Variants in AGPAT4 observed in about 807,000 individuals in gnomAD.
AGPAT4 encodes 1-acyl-sn-glycerol-3-phosphate acyltransferase delta.
A neutral mutation model predicts 48.0 loss-of-function variants in AGPAT4; 15 were observed. The ratio of observed to expected loss-of-function variants is 0.31; its 90% CI spans 0.21 to 0.48. The LOEUF (loss-of-function observed/expected upper bound fraction) is 0.48. Among genes scored for constraint, AGPAT4 ranks in the 20% least tolerant of loss-of-function variants. AGPAT4 has a pLI of 0.99. For synonymous variants in AGPAT4, 178 were observed against 198.7 expected (o/e 0.90, Z 0.88); for missense variants, 314 against 482.5 (o/e 0.65, Z 3.27).
rs1778954523 is a variant in AGPAT4 at position 161,133,094 on chromosome 6, C to T, written c.*3446G>A. On this transcript the variant is annotated 3_prime_UTR_variant, in exon 9 of 9. Transcript: ENST00000320285. ...AAATCTCTTGAGCAGAAGTAGAGAC[C>T]CTAGAGAATCTTCACTGGATACCTT... is the stretch of plus-strand genomic sequence containing the variant. The T allele has an allele frequency of 2.6e-5, 4 of 152,084 alleles. No individual in the cohort carries two copies. The highest frequency in any genetic ancestry group is 7.2e-5 in the African/African-American group (3 of 41,398). The allele number at this position is 152,084 out of a possible 1,614,324, so 9.4% of individuals were successfully genotyped here.
At chr6:161,160,744 T>C (rs1389788433) in intron 3 of AGPAT4, 5 of 345,758 alleles carry the variant, frequency 1.4e-5, no homozygotes, top group Non-Finnish European at 2.9e-5. Flanking sequence ...AAAGCCCTTG[T>C]CCACCCTGCC....
chr6:161,139,627 G>T lies in AGPAT4; in HGVS notation c.844-7C>A, dbSNP rs1357524080. 6.3e-7 allele frequency: 1 copy of T among 1,593,722 alleles called. No individual in the cohort carries two copies. The highest frequency in any genetic ancestry group is 1.1e-5 in the South Asian group (1 of 89,664). On this transcript the variant is annotated splice_region_variant and splice_polypyrimidine_tract_variant and intron_variant, in intron 7 of 8. Coordinates refer to ENST00000320285, the MANE Select transcript of AGPAT4 (RefSeq NM_020133.3). This position sits in a 1 kb window ranked among gnomAD's most constrained non-coding sequence, Gnocchi z 9.1. Reference sequence around the variant, plus strand: ...ACTCCTCCTGAAAGGCATCCTGGGGGACAGGAAAGAGGACCCTCAGACGCC... The same window carrying T: ...ACTCCTCCTGAAAGGCATCCTGGGGTACAGGAAAGAGGACCCTCAGACGCC...
At chr6:161,193,016 T>C (rs1419880981) in intron 2 of AGPAT4, among the ~76,000 whole-genome samples, 1 of 152,194 alleles carries the variant, frequency 6.6e-6, no homozygotes, top group Non-Finnish European at 1.5e-5. Flanking sequence ...GGATTTTTCT[T>C]TTATTTTCCG....
intron 2 of AGPAT4, among the ~76,000 whole-genome samples, chr6:161,188,183 G>A (rs1780824038): frequency 6.6e-6 from 1 of 152,192 alleles, no homozygotes; most frequent in Non-Finnish European, 1.5e-5. Flanking sequence ...GCAGAAATGT[G>A]GAAGGGACTC....
chr6:161,165,722 G>GAAAAA lies in AGPAT4; in HGVS notation c.348+521_348+525dup. Reference sequence around the variant, plus strand: ...ACGTGCAAGAGGTCAAACTAGTTGGGAAAAAAAAAAAACAGAATTTCAGAA... The same window carrying GAAAAA: ...ACGTGCAAGAGGTCAAACTAGTTGGGAAAAAAAAAAAAAAAAACAGAATTTCAGAA... On this transcript the variant is annotated intron_variant, in intron 3 of 8. Transcript: ENST00000320285. This position sits in a 1 kb window ranked among gnomAD's most constrained non-coding sequence, Gnocchi z 5.5. 1.5e-6 allele frequency: 1 copy of GAAAAA among 688,498 alleles called. No homozygotes were observed. Among genetic ancestry groups the GAAAAA allele is most frequent in the Non-Finnish European group, 2.2e-6 (1 of 452,800 alleles). The allele number at this position is 688,498 out of a possible 1,614,324, so 42.6% of individuals were successfully genotyped here.
In AGPAT4 at chr6:161,233,857, A is replaced by G. The variant is rs1272164230; in HGVS notation, c.-89-1555T>C. Among the ~76,000 whole-genome samples the G allele has an allele frequency of 2.6e-5, 4 of 152,194 alleles. No homozygotes were observed. The highest frequency in any genetic ancestry group is 5.9e-5 in the Non-Finnish European group (4 of 68,030). On this transcript the variant is annotated intron_variant, in intron 1 of 8. Coordinates refer to ENST00000320285, the MANE Select transcript of AGPAT4 (RefSeq NM_020133.3). The surrounding 1 kb of genome is among the most constrained non-coding windows in gnomAD (Gnocchi z 5.4). Reference sequence around the variant, plus strand: ...AGGGGCATCTGTAAGAGTTTCACACATGTGATCTCATTTTAAGGCTCCTAT... The same window carrying G: ...AGGGGCATCTGTAAGAGTTTCACACGTGTGATCTCATTTTAAGGCTCCTAT...
In AGPAT4 at chr6:161,136,279, C is replaced by A; in HGVS notation, c.*261G>T. On this transcript the variant is annotated 3_prime_UTR_variant, in exon 9 of 9. Coordinates refer to ENST00000320285, the MANE Select transcript of AGPAT4 (RefSeq NM_020133.3). ...CTTTCTATGATCACAGAACAAAGTT[C>A]ACACTCACCACACAGCCATTCTCAC... is the stretch of plus-strand genomic sequence containing the variant. 2.2e-6 allele frequency: 1 copy of A among 457,978 alleles called. No homozygotes were observed. 28.4% of individuals were successfully genotyped at this position (457,978 alleles called of 1,614,324 possible).
At chr6:161,248,401 C>T (rs113005529) in intron 1 of AGPAT4, among the ~76,000 whole-genome samples, 12,514 of 149,688 alleles carry the variant, frequency 0.084, 687 homozygotes, top group East Asian at 0.31. Context: ...AGTGAAACTC[C>T]GTCTCCACTA....
At chr6:161,258,798 AT>A (rs11393554) in intron 1 of AGPAT4, among the ~76,000 whole-genome samples, 221 of 144,096 alleles carry the variant, frequency 1.5e-3, no homozygotes, top group Non-Finnish European at 1.8e-3. Flanking sequence ...CAAGCATTTA[AT>A]TTTTTTTTTT....
chr6:161,227,424 C>T (rs979113079), intron 2 of AGPAT4, among the ~76,000 whole-genome samples: 12 of 152,178 alleles, frequency 7.9e-5, no homozygotes, highest in African/African-American at 1.2e-4. Context: ...CCCCAAGGCT[C>T]GGCTGGGTGG....
rs1292288079 is a variant in AGPAT4 at position 161,201,021 on chromosome 6, G to A, written c.178+31015C>T. 6.6e-6 allele frequency among the ~76,000 whole-genome samples: 1 copy of A among 152,184 alleles called. No individual in the cohort carries two copies. Among genetic ancestry groups the A allele is most frequent in the African/African-American group, 2.4e-5 (1 of 41,440 alleles). ...GGCAGAACGACAGCTTCCTGCAAAT[G>A]CATCATCTTGCTCTCTAGCCTGCCA... On this transcript the variant is annotated intron_variant, in intron 2 of 8. Coordinates refer to ENST00000320285, the MANE Select transcript of AGPAT4 (RefSeq NM_020133.3). The surrounding 1 kb of genome is among the most constrained non-coding windows in gnomAD (Gnocchi z 6.0).
Position 161,217,539 on chromosome 6 carries a change from T to C in AGPAT4, c.178+14497A>G, listed in dbSNP as rs1216454171. On this transcript the variant is annotated intron_variant, in intron 2 of 8. Coordinates refer to ENST00000320285, the MANE Select transcript of AGPAT4 (RefSeq NM_020133.3). This position sits in a 1 kb window ranked among gnomAD's most constrained non-coding sequence, Gnocchi z 4.9. ...TGCATGGTAATCCAGTATGAAGGCA[T>C]TGGCGTTATGCCTGCATTTTCTCTC... 1.3e-5 allele frequency among the ~76,000 whole-genome samples: 2 copies of C among 152,204 alleles called. No individual in the cohort carries two copies. Among genetic ancestry groups the C allele is most frequent in the East Asian group, 1.9e-4 (1 of 5,186 alleles).
intron 2 of AGPAT4, among the ~76,000 whole-genome samples, chr6:161,174,386 G>A (rs1780367508): frequency 6.6e-6 from 1 of 152,066 alleles, no homozygotes; most frequent in Non-Finnish European, 1.5e-5. Flanking sequence ...GGATTCCTAG[G>A]TATTTTTTTC....
rs1780035411 is a variant in AGPAT4 at position 161,164,449 on chromosome 6, G to T, written c.348+1799C>A. On this transcript the variant is annotated intron_variant, in intron 3 of 8. Transcript: ENST00000320285. This position sits in a 1 kb window ranked among gnomAD's most constrained non-coding sequence, Gnocchi z 7.4. ...CCTTTGCACATCACGAGCCAGGAAG[G>T]TATTAGAAGCCTGGTCCTTACTGCA... Among the ~76,000 whole-genome samples the T allele has an allele frequency of 6.6e-6, 1 of 152,234 alleles. No individual in the cohort carries two copies. The highest frequency in any genetic ancestry group is 1.5e-5 in the Non-Finnish European group (1 of 68,048).
intron 1 of AGPAT4, among the ~76,000 whole-genome samples, chr6:161,247,031 T>G (rs1782669711): frequency 6.6e-6 from 1 of 152,242 alleles, no homozygotes; most frequent in Non-Finnish European, 1.5e-5. Flanking sequence ...TACCTTTACA[T>G]GCTGTAAGCA....
At chr6:161,182,232 T>A (rs1305112521) in intron 2 of AGPAT4, among the ~76,000 whole-genome samples, 1 of 141,628 alleles carries the variant, frequency 7.1e-6, no homozygotes. Flanking sequence ...CCCTATCCCC[T>A]CATCCCCGCA....
rs866650863 is a variant in AGPAT4, at chr6:161,166,931, G to A, written c.179-514C>T. Among the ~76,000 whole-genome samples, 3 of 152,182 alleles carry A rather than the reference G, an allele frequency of 2.0e-5. No individual in the cohort carries two copies. The highest frequency in any genetic ancestry group is 2.9e-5 in the Non-Finnish European group (2 of 68,026). On this transcript the variant is annotated intron_variant, in intron 2 of 8. Coordinates refer to ENST00000320285, the MANE Select transcript of AGPAT4 (RefSeq NM_020133.3). The surrounding 1 kb of genome is among the most constrained non-coding windows in gnomAD (Gnocchi z 6.7). ...GGAGCCCCAGCACCTGCAGGGCAGC[G>A]GGAGTGAGAGTCAGCCCACAGCAGG...
Position 161,147,209 on chromosome 6 carries a change from G to C in AGPAT4, c.768-610C>G, listed in dbSNP as rs1279805913. On this transcript the variant is annotated intron_variant, in intron 6 of 8. Transcript: ENST00000320285. The surrounding 1 kb of genome is among the most constrained non-coding windows in gnomAD (Gnocchi z 4.8). ...TTCCCCAGGCTCCATGGCTCAGACA[G>C]GGGTCTTGAGTCACTGTGCACCAGC... 6.6e-6 allele frequency among the ~76,000 whole-genome samples: 1 copy of C among 152,122 alleles called. No homozygotes were observed. Among genetic ancestry groups the C allele is most frequent in the Non-Finnish European group, 1.5e-5 (1 of 68,022 alleles).
At chr6:161,260,816 G>A (rs1377490595) in intron 1 of AGPAT4, among the ~76,000 whole-genome samples, 1 of 152,140 alleles carries the variant, frequency 6.6e-6, no homozygotes, top group Non-Finnish European at 1.5e-5. Flanking sequence ...TTGAGCCAGG[G>A]AGGTCAAGGT....
Sources: gnomAD v4.1 joint callset for allele counts (sites outside exome capture counted in the v4.1 genomes callset) on GRCh38, gnomAD v4.1.1 for gene constraint, Gnocchi (gnomAD v3.1) non-coding constraint, MANE v1.5 for transcripts, NCBI Gene and HGNC (gene_info 2026-07-23, HGNC 2026-07-21) for gene names.